Variants in SGMS2 observed in about 807,000 individuals in gnomAD.
SGMS2 encodes sphingomyelin synthase 2.
A neutral mutation model predicts 43.8 loss-of-function variants in SGMS2; 21 were observed. That is an observed-to-expected ratio of 0.48 (90% CI 0.34 to 0.69). SGMS2 has a LOEUF of 0.69. Among genes scored for constraint, SGMS2 ranks in the 30% least tolerant of loss-of-function variants. The probability of loss-of-function intolerance (pLI) is 0.01; values close to 1 mark genes in which losing one functional copy is unlikely to be tolerated. For missense variants in SGMS2, 384 were observed against 443.2 expected (o/e 0.87, Z 1.20); for synonymous variants, 167 against 160.6 (o/e 1.04, Z -0.30).
At chr4:107,903,770 A>G (rs1731329336) in intron 5 of SGMS2, among the ~76,000 whole-genome samples, 3 of 152,202 alleles carry the variant, frequency 2.0e-5, no homozygotes, top group Non-Finnish European at 4.4e-5. Flanking sequence ...GACAGATGTA[A>G]TGACCTTTGA....
chr4:107,900,932 C>T lies in SGMS2; in HGVS notation c.573+1240C>T, dbSNP rs779368700. 3.9e-5 allele frequency among the ~76,000 whole-genome samples: 6 copies of T among 151,976 alleles called. No homozygotes were observed. In the East Asian group the frequency reaches 9.7e-4, roughly 24 times the overall value. On this transcript the variant is annotated intron_variant, in intron 4 of 6. Transcript: ENST00000690982. ...CGATTTTAGTGAAGCTAATTTAAGG[C>T]GTGGGAGAAGTTCAGAAGTGTAATA...
At position 107,895,494 on chromosome 4, in the gene SGMS2, A is replaced by G. The variant is rs1292376666; in HGVS notation, c.-60A>G. 6.6e-7 allele frequency: 1 copy of G among 1,513,626 alleles called. No homozygotes were observed. Among genetic ancestry groups the G allele is most frequent in the African/African-American group, 1.4e-5 (1 of 71,400 alleles). 93.8% of individuals were successfully genotyped at this position (1,513,626 alleles called of 1,614,324 possible). ...GGAAATAGAAGGATTGAAAAAAGCT[A>G]AATTTCCACAAAGAACAAGAACTTG... is the stretch of plus-strand genomic sequence containing the variant. On this transcript the variant is annotated 5_prime_UTR_variant, in exon 3 of 7. Coordinates refer to ENST00000690982, the MANE Select transcript of SGMS2 (RefSeq NM_001375905.1).
chr4:107,885,332 G>T (rs989178005), intron 2 of SGMS2, among the ~76,000 whole-genome samples: 9 of 152,068 alleles, frequency 5.9e-5, no homozygotes, highest in Admixed American at 2.0e-4. Flanking sequence ...AAAAGGAAAA[G>T]ACATTATTAT....
intron 2 of SGMS2, among the ~76,000 whole-genome samples, chr4:107,871,782 C>T (rs973198014): frequency 4.6e-5 from 7 of 152,052 alleles, no homozygotes; most frequent in African/African-American, 1.4e-4. Context: ...AATTTAAAAA[C>T]GTCTGCATTG....
intron 2 of SGMS2, among the ~76,000 whole-genome samples, chr4:107,866,168 C>T (rs1728097328): frequency 6.6e-6 from 1 of 152,040 alleles, no homozygotes; most frequent in African/African-American, 2.4e-5. Context: ...GTTGTAGGGG[C>T]CATGGTTATT....
rs373599159 is a variant in SGMS2 at position 107,908,517 on chromosome 4, A to C, written c.728-48A>C. The C allele has an allele frequency of 9.6e-6, 15 of 1,563,190 alleles. No homozygotes were observed. In the African/African-American group the frequency reaches 2.0e-4, roughly 21 times the overall value. ...CGTTAGGACAGACTGTAATCATTAC[A>C]TTCATCTCTGGGAATCTTATTAACT... On this transcript the variant is annotated intron_variant, in intron 5 of 6. Coordinates refer to ENST00000690982, the MANE Select transcript of SGMS2 (RefSeq NM_001375905.1).
At chr4:107,832,656 G>T (rs1725955199) in intron 1 of SGMS2, among the ~76,000 whole-genome samples, 1 of 152,142 alleles carries the variant, frequency 6.6e-6, no homozygotes, top group African/African-American at 2.4e-5. Context: ...AATTGCACCT[G>T]TTCAAACATA....
At chr4:107,849,786 C>A (rs1474087150) in intron 1 of SGMS2, among the ~76,000 whole-genome samples, 1 of 152,190 alleles carries the variant, frequency 6.6e-6, no homozygotes. Context: ...TCCCTCTGCT[C>A]TCAATTAGAG....
intron 1 of SGMS2, among the ~76,000 whole-genome samples, chr4:107,837,699 A>G (rs1408073283): frequency 6.6e-6 from 1 of 152,158 alleles, no homozygotes; most frequent in African/African-American, 2.4e-5. Context: ...GGAGGGGGTT[A>G]GAGCAGAAGC....
At chr4:107,889,309 T>G (rs1205614603) in intron 2 of SGMS2, among the ~76,000 whole-genome samples, 2 of 152,172 alleles carry the variant, frequency 1.3e-5, no homozygotes, top group African/African-American at 4.8e-5. Context: ...CATGTCAAAT[T>G]TTGACACCTT....
intron 1 of SGMS2, among the ~76,000 whole-genome samples, chr4:107,855,531 T>C (rs1011986424): frequency 6.6e-6 from 1 of 152,218 alleles, no homozygotes; most frequent in African/African-American, 2.4e-5. Context: ...TTTTATTCCA[T>C]TGGATTCAGA....
chr4:107,849,593 C>T (rs531893628), intron 1 of SGMS2, among the ~76,000 whole-genome samples: 24 of 152,168 alleles, frequency 1.6e-4, no homozygotes, highest in African/African-American at 5.8e-4. Context: ...TACAGATGAA[C>T]TGCAAATTGT....
At chr4:107,857,896 T>C (rs2126026425) in intron 1 of SGMS2, among the ~76,000 whole-genome samples, 1 of 152,284 alleles carries the variant, frequency 6.6e-6, no homozygotes, top group East Asian at 1.9e-4. Flanking sequence ...TTCACAATAC[T>C]CCCGCCGTGC....
chr4:107,856,282 T>C (rs575649481), intron 1 of SGMS2, among the ~76,000 whole-genome samples: 1 of 152,346 alleles, frequency 6.6e-6, no homozygotes, highest in East Asian at 1.9e-4. Context: ...GAATGTAGTC[T>C]TAATGTAACA....
At chr4:107,894,328 G>T (rs1393187455) in intron 2 of SGMS2, 2 of 152,288 alleles carry the variant, frequency 1.3e-5, no homozygotes, top group Non-Finnish European at 2.9e-5. Context: ...AGGACTAAAA[G>T]ACTGCTCTCC....
chr4:107,900,057 A>G (rs1467391282), intron 4 of SGMS2, among the ~76,000 whole-genome samples: 1 of 152,136 alleles, frequency 6.6e-6, no homozygotes. Context: ...TTGAGGGATG[A>G]CAAATTATAA....
intron 1 of SGMS2, among the ~76,000 whole-genome samples, chr4:107,849,294 A>G (rs1295295430): frequency 6.6e-6 from 1 of 152,100 alleles, no homozygotes; most frequent in Non-Finnish European, 1.5e-5. Context: ...CAATGCTGAA[A>G]TGTTCCATAA....
At chr4:107,843,982 G>C (rs1007011533) in intron 1 of SGMS2, among the ~76,000 whole-genome samples, 1 of 152,148 alleles carries the variant, frequency 6.6e-6, no homozygotes, top group Non-Finnish European at 1.5e-5. Context: ...TATGCTTCAT[G>C]TTAACTGTAT....
chr4:107,879,796 T>C (rs1242328872), intron 2 of SGMS2, among the ~76,000 whole-genome samples: 1 of 152,098 alleles, frequency 6.6e-6, no homozygotes, highest in Non-Finnish European at 1.5e-5. Flanking sequence ...GAGTGATAAC[T>C]CAATATCATA....
Sources: allele counts gnomAD v4.1 joint callset (sites outside exome capture counted in the v4.1 genomes callset), GRCh38; gene constraint gnomAD v4.1.1; transcripts MANE v1.5; gene names NCBI Gene and HGNC (gene_info 2026-07-23, HGNC 2026-07-21).